TRIM71: variants seen among roughly 807,000 people sequenced by gnomAD.
TRIM71 encodes the protein tripartite motif containing 71.
TRIM71 carries 9 observed loss-of-function variants against 61.2 expected under a neutral mutation model. That is an observed-to-expected ratio of 0.15 (90% CI 0.09 to 0.26). The LOEUF (loss-of-function observed/expected upper bound fraction) is 0.26, where lower values mean the gene tolerates loss of function less well. TRIM71 is among the 10% of genes least tolerant of loss of function. The pLI is 1.00. For missense variants in TRIM71, 998 were observed against 1,238.7 expected, an observed-to-expected ratio of 0.81 and a Z score of 2.92; for synonymous variants, 645 against 553.2, an observed-to-expected ratio of 1.17 and a Z score of -2.33.
intron 2 of TRIM71, among the ~76,000 whole-genome samples, chr3:32,880,826 A>G (rs115894414): frequency 0.01 from 1,534 of 152,310 alleles, 27 homozygotes; most frequent in African/African-American, 0.035. Flanking sequence ...AGCGATAAAC[A>G]GGATCAGGAA....
At position 32,818,341 on chromosome 3, in the gene TRIM71, C is replaced by G. The variant is rs772421173; in HGVS notation, c.261C>G (p.Leu87=). The G allele has an allele frequency of 6.2e-6, 9 of 1,452,610 alleles. No homozygotes were observed. Among genetic ancestry groups the G allele is most frequent in the Non-Finnish European group, 6.3e-6 (7 of 1,107,164 alleles). 90.0% of individuals were successfully genotyped at this position (1,452,610 alleles called of 1,614,324 possible). ...GCGGCGGCGCGGCGGGAGAGCCGCT[C>G]AAGCTGCGCTGCCCCGTGTGCGACC... The part of the protein sequence containing the change: ...AAGGGAAGEP[L]KLRCPVCDQK... The change falls in exon 1 of 4, where the codon CTC becomes CTG. Residue 87 remains leucine (L), a synonymous_variant. Transcript: ENST00000383763.
Position 32,818,243 on chromosome 3 carries a change from C to A in TRIM71, c.163C>A (p.Arg55Ser), listed in dbSNP as rs1696080315. The change falls in exon 1 of 4, where the codon CGC (arginine) becomes AGC (serine). Residue 55 changes from arginine (R) to serine (S), a missense_variant. Physicochemically the swap from Arg to Ser is moderately radical, Grantham distance 110. Around this residue, in one of 5 missense-constraint regions of TRIM71, gnomAD observed 527 missense variants for 427.8 expected, o/e 1.23. Transcript: ENST00000383763. Reference sequence around the variant, plus strand: ...CGGGGGCCCTGGGGCGGCGGCGCGCCGCCTACACGTCCTGCCCTGCCTGCA... The same window carrying A: ...CGGGGGCCCTGGGGCGGCGGCGCGCAGCCTACACGTCCTGCCCTGCCTGCA... Reference protein sequence around the residue: ...GGGGPGAAARRLHVLPCLHAF... With the variant: ...GGGGPGAAARSLHVLPCLHAF... The A allele has an allele frequency of 6.7e-7, 1 of 1,486,168 alleles. No individual in the cohort carries two copies. Among genetic ancestry groups the A allele is most frequent in the Non-Finnish European group, 8.9e-7 (1 of 1,129,236 alleles). 92.1% of individuals were successfully genotyped at this position (1,486,168 alleles called of 1,614,324 possible).
chr3:32,890,477 G>A lies in TRIM71; in HGVS notation c.1273G>A (p.Gly425Ser), dbSNP rs773240896. ...ISAVQQVLEE[G>S]RALDILLARD... is the part of the protein sequence containing the mutation. ...TGCCGTGCAGCAGGTCCTGGAGGAG[G>A]GTAGAGCGCTAGACATCCTACTGGC... Residue 425 changes from glycine to serine, a missense_variant, in exon 4 of 4, where the codon GGT becomes AGT. Physicochemically the swap from Gly to Ser is moderately conservative, Grantham distance 56 (BLOSUM62 0). Coordinates refer to ENST00000383763, the MANE Select transcript of TRIM71 (RefSeq NM_001039111.3). The surrounding 1 kb of genome is among the most constrained non-coding windows in gnomAD (Gnocchi z 6.2). The A allele has an allele frequency of 7.4e-6, 12 of 1,614,066 alleles. No homozygotes were observed. In the Admixed American group the frequency reaches 8.3e-5, roughly 11 times the overall value.
chr3:32,850,178 A>G (rs756176753), intron 1 of TRIM71, among the ~76,000 whole-genome samples: 1 of 152,256 alleles, frequency 6.6e-6, no homozygotes, highest in Non-Finnish European at 1.5e-5. Flanking sequence ...TGAGTTTAAA[A>G]TACTAATCCT....
At chr3:32,829,185 CTTTTTTT>C (rs71630549) in intron 1 of TRIM71, among the ~76,000 whole-genome samples, 1 of 129,784 alleles carries the variant, frequency 7.7e-6, no homozygotes, top group Admixed American at 8.1e-5. Context: ...TTTTTCTTTT[CTTTTTTT>C]TTTTTTTTTG....
chr3:32,896,610 G>A lies in TRIM71; in HGVS notation c.*4799G>A, dbSNP rs1697080190. 1 of 152,190 alleles carries A rather than the reference G, an allele frequency of 6.6e-6. No individual in the cohort carries two copies. The highest frequency in any genetic ancestry group is 2.4e-5 in the African/African-American group (1 of 41,446). 9.4% of individuals were successfully genotyped at this position (152,190 alleles called of 1,614,324 possible). A position where few individuals can be genotyped will look rare whatever the true frequency, so the allele number is the denominator to read the frequency against. On this transcript the variant is annotated 3_prime_UTR_variant, in exon 4 of 4. Coordinates refer to ENST00000383763, the MANE Select transcript of TRIM71 (RefSeq NM_001039111.3). ...TCATGAGGGGCTTATAAATGTCATG[G>A]TGAAGAAATACCTCAATGATGTCTA...
chr3:32,838,410 G>A (rs1467714250), intron 1 of TRIM71, among the ~76,000 whole-genome samples: 9 of 151,962 alleles, frequency 5.9e-5, no homozygotes, highest in Non-Finnish European at 1.2e-4. Flanking sequence ...TTTTAGTAGA[G>A]ACGGGGTTTC....
chr3:32,866,976 A>G lies in TRIM71; in HGVS notation c.853-6842A>G, dbSNP rs199956177. On this transcript the variant is annotated intron_variant, in intron 1 of 3. Coordinates refer to ENST00000383763, the MANE Select transcript of TRIM71 (RefSeq NM_001039111.3). ...AACAAGTGCTAACAGATGACATTTT[A>G]TGTTTGTCAAACTATACCTCTCCCT... Among the ~76,000 whole-genome samples the G allele has an allele frequency of 2.0e-4, 30 of 152,322 alleles. No homozygotes were observed. In the East Asian group the frequency reaches 3.7e-3, roughly 19 times the overall value.
chr3:32,826,809 C>T (rs569910805), intron 1 of TRIM71, among the ~76,000 whole-genome samples: 166 of 152,002 alleles, frequency 1.1e-3, no homozygotes, highest in African/African-American at 3.9e-3. Flanking sequence ...GTCCCTGAGG[C>T]TGGAGTGCAG....
rs997302191 is a variant in TRIM71, at chr3:32,895,478, G to A, written c.*3667G>A. The A allele has an allele frequency of 3.3e-5, 5 of 152,182 alleles. No individual in the cohort carries two copies. The highest frequency in any genetic ancestry group is 1.9e-4 in the East Asian group (1 of 5,198). 9.4% of individuals were successfully genotyped at this position (152,182 alleles called of 1,614,324 possible). A position where few individuals can be genotyped will look rare whatever the true frequency, so the allele number is the denominator to read the frequency against. ...TTTAGGCTTGAAGCAGCAAAATACT[G>A]TTTATATATGTGTTACCTTCCTCGT... On this transcript the variant is annotated 3_prime_UTR_variant, in exon 4 of 4. Transcript: ENST00000383763.
Position 32,873,823 on chromosome 3 carries a change from G to A in TRIM71, c.858G>A (p.Leu286=), listed in dbSNP as rs1314374095. Residue 286 remains leucine (L), a synonymous_variant, in exon 2 of 4, where the codon CTG becomes CTA. Coordinates refer to ENST00000383763, the MANE Select transcript of TRIM71 (RefSeq NM_001039111.3). ...GFCQHHDDEV[L]HLYCDTCSVP... Reference sequence around the variant, plus strand: ...GTACCCTCTCTTGTCCCCAGGTGCTGCACCTGTACTGTGACACTTGCTCTG... The same window carrying A: ...GTACCCTCTCTTGTCCCCAGGTGCTACACCTGTACTGTGACACTTGCTCTG... 8 of 1,586,822 alleles carry A rather than the reference G, an allele frequency of 5.0e-6. No homozygotes were observed. The highest frequency in any genetic ancestry group is 6.0e-6 in the Non-Finnish European group (7 of 1,162,654).
At chr3:32,870,661 A>G (rs551800298) in intron 1 of TRIM71, among the ~76,000 whole-genome samples, 3 of 151,986 alleles carry the variant, frequency 2.0e-5, no homozygotes, top group South Asian at 2.1e-4. Context: ...TTTAAAACCT[A>G]CCATTCATGG....
intron 1 of TRIM71, among the ~76,000 whole-genome samples, chr3:32,873,230 C>G (rs1487065848): frequency 6.6e-6 from 1 of 152,178 alleles, no homozygotes; most frequent in Non-Finnish European, 1.5e-5. Context: ...GACCTTACCA[C>G]TAGCTTTTTG....
chr3:32,882,189 C>A (rs1446057458), intron 2 of TRIM71, among the ~76,000 whole-genome samples: 1 of 149,966 alleles, frequency 6.7e-6, no homozygotes, highest in African/African-American at 2.5e-5. Flanking sequence ...CTTTTTTTTT[C>A]TTCTAACATA....
chr3:32,875,333 G>A (rs1249734697), intron 2 of TRIM71, among the ~76,000 whole-genome samples: 1 of 152,248 alleles, frequency 6.6e-6, no homozygotes. Flanking sequence ...CTCTCACATA[G>A]GTGATAGTGT....
intron 1 of TRIM71, among the ~76,000 whole-genome samples, chr3:32,835,899 C>T (rs1298628800): frequency 6.6e-6 from 1 of 152,184 alleles, no homozygotes; most frequent in African/African-American, 2.4e-5. Flanking sequence ...CATTTACATA[C>T]ACAAGCATAT....
intron 1 of TRIM71, among the ~76,000 whole-genome samples, chr3:32,849,463 G>A (rs1696514351): frequency 6.6e-6 from 1 of 152,072 alleles, no homozygotes; most frequent in Admixed American, 6.6e-5. Context: ...GCTTCAAGCA[G>A]TTCTCCTGCC....
chr3:32,887,382 T>C (rs895512113), intron 3 of TRIM71, among the ~76,000 whole-genome samples: 3 of 151,872 alleles, frequency 2.0e-5, no homozygotes, highest in Admixed American at 6.6e-5. Flanking sequence ...AAATTCATCC[T>C]CAGAGCATTC....
intron 1 of TRIM71, among the ~76,000 whole-genome samples, chr3:32,858,753 T>C (rs876279): frequency 0.36 from 54,050 of 152,096 alleles, 10,948 homozygotes; most frequent in Middle Eastern, 0.5. Flanking sequence ...TTCCTGACTT[T>C]AAGTGATAGA....
Sources: allele counts gnomAD v4.1 joint callset (sites outside exome capture counted in the v4.1 genomes callset), GRCh38; gene constraint gnomAD v4.1.1; regional missense constraint gnomAD v4.1.1; non-coding constraint Gnocchi (gnomAD v3.1); transcripts MANE v1.5; gene names NCBI Gene and HGNC (gene_info 2026-07-23, HGNC 2026-07-21).